PLCL1: variants seen among roughly 807,000 people sequenced by gnomAD.
The protein encoded by PLCL1 is inactive phospholipase C-like protein 1.
PLCL1 carries 41 observed loss-of-function variants against 84.4 expected under a neutral mutation model. The observed-to-expected ratio is 0.49, with a 90% CI of 0.38 to 0.63. The LOEUF (loss-of-function observed/expected upper bound fraction) is 0.63, where lower values mean the gene tolerates loss of function less well. Ranked by LOEUF, PLCL1 falls within the 30% of genes least tolerant of loss-of-function variation. The pLI is 0.00. For synonymous variants in PLCL1, 490 were observed against 488.3 expected, an observed-to-expected ratio of 1.00 and a Z score of -0.05; for missense variants, 1,206 against 1,367.8, an observed-to-expected ratio of 0.88 and a Z score of 1.87.
At chr2:197,854,220 T>A (rs961294623) in intron 1 of PLCL1, among the ~76,000 whole-genome samples, 3 of 152,192 alleles carry the variant, frequency 2.0e-5, no homozygotes, top group Non-Finnish European at 4.4e-5. Context: ...GAGGGTACTC[T>A]GAATTGAAAT....
intron 1 of PLCL1, among the ~76,000 whole-genome samples, chr2:198,033,350 T>C (rs1691470732): frequency 6.6e-6 from 1 of 152,140 alleles, no homozygotes; most frequent in African/African-American, 2.4e-5. Context: ...GAGAGCCACA[T>C]TTTCCAAAGA....
intron 5 of PLCL1, among the ~76,000 whole-genome samples, chr2:198,142,013 C>T (rs1694399649): frequency 6.6e-6 from 1 of 152,120 alleles, no homozygotes; most frequent in Non-Finnish European, 1.5e-5. Context: ...TGATGTTCTC[C>T]TGCTCTTTTG....
intron 1 of PLCL1, among the ~76,000 whole-genome samples, chr2:198,037,723 T>G (rs1274591129): frequency 1.3e-5 from 2 of 152,176 alleles, no homozygotes. Flanking sequence ...GTAATTACAG[T>G]TACATAACTT....
chr2:197,892,776 C>T (rs949810218), intron 1 of PLCL1, among the ~76,000 whole-genome samples: 5 of 152,054 alleles, frequency 3.3e-5, no homozygotes, highest in African/African-American at 4.8e-5. Flanking sequence ...GGGCGGATCA[C>T]GAGGTCAGGA....
At chr2:198,024,809 G>A (rs1404304587) in intron 1 of PLCL1, among the ~76,000 whole-genome samples, 1 of 149,586 alleles carries the variant, frequency 6.7e-6, no homozygotes, top group Non-Finnish European at 1.5e-5. Context: ...TTTTGCATTA[G>A]TGTCTTTTAT....
rs1425493594 is a variant in PLCL1 at position 197,924,166 on chromosome 2, A to AGGGAGG, written c.240+118832_240+118833insGGGGAG. Among the ~76,000 whole-genome samples the AGGGAGG allele has an allele frequency of 1.0e-3, 151 of 145,866 alleles. 4 individuals are homozygous for AGGGAGG. In the East Asian group the frequency reaches 0.024, roughly 23 times the overall value. ...GAGGGAGAGGGAGAGGGAGAGGGAG[A>AGGGAGG]GGGAGAGGGAGAGGGAGAGGCCCCC... On this transcript the variant is annotated intron_variant, in intron 1 of 5. Transcript: ENST00000428675.
intron 1 of PLCL1, among the ~76,000 whole-genome samples, chr2:198,044,075 T>C (rs1226758736): frequency 6.6e-6 from 1 of 152,116 alleles, no homozygotes; most frequent in Non-Finnish European, 1.5e-5. Context: ...ATATTTTCAG[T>C]ATATTCTAGT....
chr2:198,142,807 T>C (rs1694421106), intron 5 of PLCL1, among the ~76,000 whole-genome samples: 3 of 152,102 alleles, frequency 2.0e-5, no homozygotes, highest in African/African-American at 7.2e-5. Flanking sequence ...CTTTTTTTTT[T>C]TTCATGAAGG....
At chr2:197,952,897 T>A (rs770338618) in intron 1 of PLCL1, among the ~76,000 whole-genome samples, 3 of 152,106 alleles carry the variant, frequency 2.0e-5, no homozygotes, top group African/African-American at 7.2e-5. Flanking sequence ...TCCCCAGCCA[T>A]GTGGAACTGT....
chr2:197,969,636 T>C (rs1252007506), intron 1 of PLCL1, among the ~76,000 whole-genome samples: 3 of 152,234 alleles, frequency 2.0e-5, no homozygotes, highest in African/African-American at 7.2e-5. Flanking sequence ...ATGGTAATCA[T>C]TGATATTGTA....
chr2:197,865,516 A>G (rs1687511928), intron 1 of PLCL1, among the ~76,000 whole-genome samples: 1 of 152,156 alleles, frequency 6.6e-6, no homozygotes, highest in African/African-American at 2.4e-5. Context: ...AGGACAGAAA[A>G]CTACCGATAT....
intron 1 of PLCL1, among the ~76,000 whole-genome samples, chr2:197,945,279 T>G (rs551741000): frequency 6.6e-6 from 1 of 152,276 alleles, no homozygotes; most frequent in Admixed American, 6.5e-5. Context: ...TCTAGAGAGA[T>G]ATCAGTTTTT....
intron 1 of PLCL1, among the ~76,000 whole-genome samples, chr2:197,937,726 A>G (rs1689078514): frequency 6.6e-6 from 1 of 152,214 alleles, no homozygotes; most frequent in Non-Finnish European, 1.5e-5. Context: ...AAACAAACAT[A>G]AACTATACAC....
intron 1 of PLCL1, among the ~76,000 whole-genome samples, chr2:198,024,554 G>A (rs1574254867): frequency 5.3e-5 from 8 of 152,016 alleles, no homozygotes; most frequent in Admixed American, 5.2e-4. Context: ...ACATGAGGTC[G>A]GGAGTTCGAG....
intron 1 of PLCL1, among the ~76,000 whole-genome samples, chr2:197,995,595 G>T (rs1690440883): frequency 6.6e-6 from 1 of 152,110 alleles, no homozygotes; most frequent in South Asian, 2.1e-4. Context: ...AGGCAACCCT[G>T]GGCGGAGAGC....
intron 1 of PLCL1, chr2:198,001,927 T>C (rs1417475274): frequency 2.4e-6 from 1 of 411,884 alleles, no homozygotes; most frequent in African/African-American, 2.1e-5. Flanking sequence ...ACTGATGATC[T>C]GTCACTGTCT....
intron 1 of PLCL1, among the ~76,000 whole-genome samples, chr2:198,007,464 A>G (rs1690754513): frequency 6.6e-6 from 1 of 152,216 alleles, no homozygotes; most frequent in Non-Finnish European, 1.5e-5. Flanking sequence ...GACCATGAAG[A>G]CATATGTGTG....
intron 1 of PLCL1, among the ~76,000 whole-genome samples, chr2:197,932,238 T>C (rs2105766379): frequency 6.6e-6 from 1 of 152,328 alleles, no homozygotes; most frequent in Admixed American, 6.5e-5. Context: ...TGCAGTGAAC[T>C]TGGGTATTTT....
intron 1 of PLCL1, among the ~76,000 whole-genome samples, chr2:197,968,306 A>G (rs1689788616): frequency 6.6e-6 from 1 of 152,214 alleles, no homozygotes; most frequent in Admixed American, 6.5e-5. Flanking sequence ...CCCAGGAACT[A>G]TGTCAGCCTT....
Sources: allele counts gnomAD v4.1 joint callset (sites outside exome capture counted in the v4.1 genomes callset), GRCh38; gene constraint gnomAD v4.1.1; transcripts MANE v1.5; gene names NCBI Gene and HGNC (gene_info 2026-07-23, HGNC 2026-07-21).